Variants in ATG5 observed in about 807,000 individuals in gnomAD.
ATG5 encodes the protein autophagy protein 5.
In ATG5, 14 loss-of-function variants were observed where a neutral mutation model predicts 36.5. The observed-to-expected ratio is 0.38, with a 90% confidence interval of 0.25 to 0.60. The LOEUF is 0.60. Ranked by LOEUF, ATG5 falls within the 20% of genes least tolerant of loss-of-function variation. The probability of loss-of-function intolerance (pLI) is 0.60; values close to 1 mark genes in which losing one functional copy is unlikely to be tolerated. For missense variants in ATG5, 195 were observed against 326.7 expected (o/e 0.60, Z 3.11); for synonymous variants, 95 against 101.5 (o/e 0.94, Z 0.38).
At chr6:106,193,533 A>T (rs531493764) in intron 7 of ATG5, among the ~76,000 whole-genome samples, 1 of 152,242 alleles carries the variant, frequency 6.6e-6, no homozygotes, top group Non-Finnish European at 1.5e-5. Context: ...TATAAAAAGC[A>T]AAGTGTATTA....
intron 7 of ATG5, among the ~76,000 whole-genome samples, chr6:106,187,574 T>G (rs1168989458): frequency 6.6e-6 from 1 of 152,188 alleles, no homozygotes; most frequent in Non-Finnish European, 1.5e-5. Flanking sequence ...CTCCTTTACC[T>G]TCTCTTCAAA....
At chr6:106,202,905 T>C (rs779509872) in intron 6 of ATG5, among the ~76,000 whole-genome samples, 5 of 152,154 alleles carry the variant, frequency 3.3e-5, no homozygotes, top group Non-Finnish European at 7.4e-5. Flanking sequence ...TCAGGCAATC[T>C]GCCGGCTTCG....
chr6:106,274,269 C>A (rs927219537), intron 5 of ATG5, among the ~76,000 whole-genome samples: 6 of 152,014 alleles, frequency 3.9e-5, no homozygotes, highest in African/African-American at 1.4e-4. Context: ...ATGCTACTTT[C>A]TTTTATTTCT....
At chr6:106,318,698 AAAAC>A (rs916346222) in intron 1 of ATG5, among the ~76,000 whole-genome samples, 1 of 152,236 alleles carries the variant, frequency 6.6e-6, no homozygotes, top group Non-Finnish European at 1.5e-5. Flanking sequence ...CAAATGTTGC[AAAAC>A]AAACAAACTC....
At chr6:106,291,346 G>A (rs558851017) in intron 4 of ATG5, among the ~76,000 whole-genome samples, 2 of 152,330 alleles carry the variant, frequency 1.3e-5, no homozygotes, top group African/African-American at 2.4e-5. Flanking sequence ...ATGACAACTA[G>A]TACAGTGAGG....
chr6:106,221,696 A>T (rs908984860), intron 6 of ATG5, among the ~76,000 whole-genome samples: 2 of 145,080 alleles, frequency 1.4e-5, no homozygotes, highest in South Asian at 4.3e-4. Flanking sequence ...AAAAAAAAAA[A>T]AAAAAAGAAA....
chr6:106,254,174 C>T (rs1441518543), intron 5 of ATG5, among the ~76,000 whole-genome samples: 2 of 152,186 alleles, frequency 1.3e-5, no homozygotes, highest in Non-Finnish European at 2.9e-5. Flanking sequence ...AACTGCTTCT[C>T]ATCATTCAAG....
chr6:106,239,672 TATAA>T (rs1778038103), intron 6 of ATG5, among the ~76,000 whole-genome samples: 1 of 152,234 alleles, frequency 6.6e-6, no homozygotes, highest in African/African-American at 2.4e-5. Context: ...ACTACTTTAC[TATAA>T]ACCAGGGGTG....
chr6:106,227,553 G>A (rs1293225146), intron 6 of ATG5, among the ~76,000 whole-genome samples: 2 of 152,068 alleles, frequency 1.3e-5, no homozygotes, highest in African/African-American at 2.4e-5. Context: ...CTATGACTGT[G>A]CCACTGCACT....
chr6:106,277,583 G>A (rs1779708491), intron 5 of ATG5, among the ~76,000 whole-genome samples: 2 of 152,252 alleles, frequency 1.3e-5, no homozygotes. Context: ...GGGAGGCCAA[G>A]GCGGGCAGAT....
intron 3 of ATG5, among the ~76,000 whole-genome samples, chr6:106,300,438 G>C (rs1296586282): frequency 6.6e-6 from 1 of 152,120 alleles, no homozygotes; most frequent in South Asian, 2.1e-4. Flanking sequence ...AAATCACAAA[G>C]AGTATTAAAT....
chr6:106,195,410 C>G (rs1158999393), intron 7 of ATG5, among the ~76,000 whole-genome samples: 1 of 152,262 alleles, frequency 6.6e-6, no homozygotes, highest in Admixed American at 6.5e-5. Flanking sequence ...TCTGACAATA[C>G]TACAGGTGAA....
intron 4 of ATG5, among the ~76,000 whole-genome samples, chr6:106,289,375 C>G (rs1053206398): frequency 2.6e-5 from 4 of 151,780 alleles, no homozygotes; most frequent in Non-Finnish European, 5.9e-5. Context: ...TGATGCTCCC[C>G]TAAATGAATG....
intron 2 of ATG5, among the ~76,000 whole-genome samples, chr6:106,313,872 A>G (rs1159976915): frequency 6.6e-6 from 1 of 152,208 alleles, no homozygotes; most frequent in African/African-American, 2.4e-5. Context: ...ATTAACTTAC[A>G]CTTAAGCATG....
At chr6:106,294,192 T>C (rs1780440946) in intron 3 of ATG5, among the ~76,000 whole-genome samples, 1 of 152,148 alleles carries the variant, frequency 6.6e-6, no homozygotes, top group Non-Finnish European at 1.5e-5. Context: ...CTACTTGGTG[T>C]TATACACAGT....
chr6:106,211,515 C>A (rs1312558112), intron 6 of ATG5, among the ~76,000 whole-genome samples: 1 of 152,150 alleles, frequency 6.6e-6, no homozygotes, highest in Non-Finnish European at 1.5e-5. Context: ...TCGAGGCCAG[C>A]CTGGCCAACA....
chr6:106,201,234 T>G (rs1451097858), intron 7 of ATG5, among the ~76,000 whole-genome samples: 1 of 151,892 alleles, frequency 6.6e-6, no homozygotes, highest in Non-Finnish European at 1.5e-5. Context: ...CCAATGTGTA[T>G]GTATTATACA....
At chr6:106,202,314 A>G in intron 6 of ATG5, 2 of 424,992 alleles carry the variant, frequency 4.7e-6, no homozygotes, top group Non-Finnish European at 8.5e-6. Context: ...TGGGTGGGAC[A>G]TTCTAAAGAT....
At chr6:106,284,004 T>C (rs921176806) in intron 4 of ATG5, among the ~76,000 whole-genome samples, 11 of 152,218 alleles carry the variant, frequency 7.2e-5, no homozygotes, top group African/African-American at 2.7e-4. Context: ...TATCAGTAAT[T>C]CACTCCTTTT....
Sources: allele counts gnomAD v4.1 joint callset (sites outside exome capture counted in the v4.1 genomes callset), GRCh38; gene constraint gnomAD v4.1.1; transcripts MANE v1.5; gene names NCBI Gene and HGNC (gene_info 2026-07-23, HGNC 2026-07-21).